The following MGST1 variants were observed in gnomAD, a reference collection of about 807,000 sequenced individuals.
The protein encoded by MGST1 is glutathione S-transferase 12.
A neutral mutation model predicts 8.9 loss-of-function variants in MGST1; 5 were observed. The observed-to-expected ratio is 0.56, with a 90% CI of 0.29 to 1.19. The LOEUF (loss-of-function observed/expected upper bound fraction) is 1.19, where lower values mean the gene tolerates loss of function less well. Among genes scored for constraint, MGST1 ranks in the 50% most tolerant of loss-of-function variants. The pLI is 0.08. For synonymous variants in MGST1, 54 were observed against 67.8 expected (o/e 0.80, Z 1.00); for missense variants, 182 against 187.4 (o/e 0.97, Z 0.17).
rs1213577443 is a variant in MGST1, at chr12:16,395,706, A to G, written n.778+12102A>G. Among the ~76,000 whole-genome samples, 4 of 151,086 alleles carry G rather than the reference A, an allele frequency of 2.6e-5. No individual in the cohort carries two copies. The East Asian group carries it at 5.9e-4, about 22-fold the overall frequency. ...ATTCCCGAGTTACTTCACTTAGAAT[A>G]ATAGTCTCCAGTTCCATCTAGGTTT... is the stretch of plus-strand genomic sequence containing the variant. On this transcript the variant is annotated intron_variant and non_coding_transcript_variant, in intron 1 of 1. Coordinates refer to the MGST1 transcript ENST00000359720.
At chr12:16,451,637 G>A (rs1044464733) in intron 4 of MGST1, among the ~76,000 whole-genome samples, 4 of 151,756 alleles carry the variant, frequency 2.6e-5, no homozygotes, top group African/African-American at 9.7e-5. Context: ...TAAACTATAT[G>A]ATATACAGAT....
At chr12:16,521,000 C>T (rs1186517605) in intron 4 of MGST1, among the ~76,000 whole-genome samples, 4 of 152,198 alleles carry the variant, frequency 2.6e-5, no homozygotes, top group Admixed American at 1.3e-4. Flanking sequence ...TTAATAAGCA[C>T]ACTTCCAATT....
downstream of MGST1, among the ~76,000 whole-genome samples, chr12:16,378,957 T>C (rs192004566): frequency 0.08 from 12,102 of 152,076 alleles, 507 homozygotes; most frequent in East Asian, 0.13. Flanking sequence ...TTGTCTGTTA[T>C]TCGTGTATAA....
chr12:16,569,352 AG>A (rs1339282730), intron 4 of MGST1, among the ~76,000 whole-genome samples: 1 of 152,168 alleles, frequency 6.6e-6, no homozygotes, highest in Non-Finnish European at 1.5e-5. Flanking sequence ...AAAAGTCTCT[AG>A]GTTTCTGGAC....
At chr12:16,540,033 C>T (rs778470406) in intron 4 of MGST1, among the ~76,000 whole-genome samples, 1 of 152,170 alleles carries the variant, frequency 6.6e-6, no homozygotes, top group Non-Finnish European at 1.5e-5. Flanking sequence ...TTTTACTGCT[C>T]AAGACTCAGC....
chr12:16,465,470 G>C (rs1941247248), intron 4 of MGST1, among the ~76,000 whole-genome samples: 1 of 152,144 alleles, frequency 6.6e-6, no homozygotes, highest in Admixed American at 6.5e-5. Context: ...GGTGAGCGTC[G>C]TGAGTGAGCA....
chr12:16,558,601 C>G (rs764575181), intron 4 of MGST1, among the ~76,000 whole-genome samples: 1 of 152,060 alleles, frequency 6.6e-6, no homozygotes, highest in Non-Finnish European at 1.5e-5. Flanking sequence ...AAATGTTACC[C>G]TAGACTGAAT....
intron 4 of MGST1, among the ~76,000 whole-genome samples, chr12:16,461,308 A>T (rs1375968340): frequency 2.6e-5 from 4 of 152,120 alleles, no homozygotes; most frequent in Non-Finnish European, 5.9e-5. Context: ...GGGGATTTAA[A>T]TTAATTATTT....
chr12:16,360,487 T>A, intron 3 of MGST1: 1 of 459,474 alleles, frequency 2.2e-6, no homozygotes, highest in Non-Finnish European at 2.9e-6. Flanking sequence ...TAAAGTCAGT[T>A]ATTTGAGTTC....
intron 4 of MGST1, among the ~76,000 whole-genome samples, chr12:16,487,406 A>C (rs1194014124): frequency 6.6e-6 from 1 of 152,112 alleles, no homozygotes. Flanking sequence ...GAGAAAAAGA[A>C]GAAAGACTCT....
intron 4 of MGST1, among the ~76,000 whole-genome samples, chr12:16,557,306 A>G (rs1942226860): frequency 6.6e-6 from 1 of 152,150 alleles, no homozygotes. Context: ...ACCAGGGATC[A>G]AATAAATGCC....
chr12:16,557,762 G>GTATT (rs1942246006), intron 4 of MGST1, among the ~76,000 whole-genome samples: 1 of 151,984 alleles, frequency 6.6e-6, no homozygotes, highest in Non-Finnish European at 1.5e-5. Flanking sequence ...TGCAAGAGAG[G>GTATT]TATTAGTGTT....
chr12:16,394,787 T>C lies in MGST1; in HGVS notation n.778+11183T>C, dbSNP rs938792447. 7.9e-5 allele frequency among the ~76,000 whole-genome samples: 12 copies of C among 151,746 alleles called. No homozygotes were observed. In the South Asian group the frequency reaches 1.0e-3, roughly 13 times the overall value. On this transcript the variant is annotated intron_variant and non_coding_transcript_variant, in intron 1 of 1. Transcript: ENST00000359720. ...AATTTTTGTATTTTTAGTAGAGACA[T>C]AGTTTCACCATGTTAGCCAGGCTGG...
intron 4 of MGST1, among the ~76,000 whole-genome samples, chr12:16,459,233 C>G (rs1421979593): frequency 6.6e-6 from 1 of 151,952 alleles, no homozygotes; most frequent in Non-Finnish European, 1.5e-5. Context: ...GATTCCCAAC[C>G]TCCTGGAAAT....
chr12:16,360,360 TG>T, intron 3 of MGST1: 2 of 985,264 alleles, frequency 2.0e-6, no homozygotes, highest in Non-Finnish European at 1.2e-6. Context: ...GGGCTACAAA[TG>T]AAGTGAAAAG....
At chr12:16,447,555 T>C (rs531006111) in intron 4 of MGST1, among the ~76,000 whole-genome samples, 3 of 152,056 alleles carry the variant, frequency 2.0e-5, no homozygotes, top group African/African-American at 7.2e-5. Flanking sequence ...CCCAAATCTT[T>C]GGGTGAATAG....
chr12:16,549,174 C>T (rs1941896307), intron 4 of MGST1: 1 of 152,102 alleles, frequency 6.6e-6, no homozygotes, highest in Admixed American at 6.6e-5. Flanking sequence ...ACTGATCTCT[C>T]CCCCACATAT....
chr12:16,425,910 C>T (rs1442014029), intron 1 of MGST1, among the ~76,000 whole-genome samples: 4 of 152,264 alleles, frequency 2.6e-5, no homozygotes, highest in East Asian at 3.9e-4. Context: ...AATTCATGCT[C>T]GTTTTATTAT....
chr12:16,451,182 G>A (rs898704021), intron 4 of MGST1, among the ~76,000 whole-genome samples: 11 of 151,750 alleles, frequency 7.2e-5, no homozygotes, highest in Non-Finnish European at 1.6e-4. Context: ...ACTATAGGTG[G>A]TGGATACATT....
Sources: gnomAD v4.1 joint callset for allele counts (sites outside exome capture counted in the v4.1 genomes callset) on GRCh38, gnomAD v4.1.1 for gene constraint, MANE v1.5 for transcripts, NCBI Gene and HGNC (gene_info 2026-07-23, HGNC 2026-07-21) for gene names.